Variants in BCL11A observed in about 807,000 individuals in gnomAD.
BCL11A encodes B cell CLL/lymphoma 11A.
A neutral mutation model predicts 55.9 loss-of-function variants in BCL11A; 2 were observed. The ratio of observed to expected loss-of-function variants is 0.04; its 90% CI spans 0.01 to 0.11. The LOEUF is 0.11. Among genes scored for constraint, BCL11A ranks in the 10% least tolerant of loss-of-function variants. The probability of loss-of-function intolerance (pLI) is 1.00; values close to 1 mark genes in which losing one functional copy is unlikely to be tolerated. For synonymous variants in BCL11A, 465 were observed against 473.4 expected, an observed-to-expected ratio of 0.98 and a Z score of 0.23; for missense variants, 817 against 1,137.1, an observed-to-expected ratio of 0.72 and a Z score of 4.05.
chr2:60,529,858 G>A (rs902726077), intron 2 of BCL11A, among the ~76,000 whole-genome samples: 20 of 152,198 alleles, frequency 1.3e-4, no homozygotes, highest in African/African-American at 4.8e-4. Context: ...CCACTTGAAA[G>A]CCCTGGTGTC....
rs754573099 is a variant in BCL11A, at chr2:60,546,013, T to C, written c.343A>G (p.Thr115Ala). The C allele has an allele frequency of 2.5e-6, 4 of 1,614,232 alleles. No homozygotes were observed. Among genetic ancestry groups the C allele is most frequent in the African/African-American group, 1.3e-5 (1 of 75,074 alleles). ...VTPEDDDCLS[T>A]SSRGICPKQE... ...TTGGGGCAAATTCCTCTAGATGACG[T>C]TGATAAACAATCGTCATCCTCTGGC... Residue 115 changes from threonine (T) to alanine (A), a missense_variant, in exon 2 of 4, where the codon ACG becomes GCG. Physicochemically the swap from Thr to Ala is moderately conservative, Grantham distance 58. Coordinates refer to ENST00000642384, the MANE Select transcript of BCL11A (RefSeq NM_022893.4). This position sits in a 1 kb window ranked among gnomAD's most constrained non-coding sequence, Gnocchi z 4.1.
intron 2 of BCL11A, among the ~76,000 whole-genome samples, chr2:60,505,529 C>T (rs547448013): frequency 7.2e-5 from 11 of 152,350 alleles, no homozygotes; most frequent in African/African-American, 2.2e-4. Flanking sequence ...AGGGGCCAAA[C>T]CAGCCCTCTT....
At chr2:60,463,583 T>C (rs976905139) in intron 3 of BCL11A, among the ~76,000 whole-genome samples, 1 of 152,188 alleles carries the variant, frequency 6.6e-6, no homozygotes, top group Non-Finnish European at 1.5e-5. Context: ...CCAAGAGTGG[T>C]AAATGCCACT....
In BCL11A at chr2:60,457,966, T is replaced by C; in HGVS notation, c.*2438A>G. 1 of 1,032,954 alleles carries C rather than the reference T, an allele frequency of 9.7e-7. No individual in the cohort carries two copies. The highest frequency in any genetic ancestry group is 1.2e-6 in the Non-Finnish European group (1 of 857,792). The allele number at this position is 1,032,954 out of a possible 1,614,324, so 64.0% of individuals were successfully genotyped here. On this transcript the variant is annotated 3_prime_UTR_variant, in exon 4 of 4. Coordinates refer to ENST00000642384, the MANE Select transcript of BCL11A (RefSeq NM_022893.4). ...TTTGTTTCTCTCTTTTTTTTTTTTT[T>C]GAAGCATACAAATAATTTGCACTAT... is the stretch of plus-strand genomic sequence containing the variant.
intron 2 of BCL11A, among the ~76,000 whole-genome samples, chr2:60,520,954 A>G (rs992858249): frequency 6.6e-6 from 1 of 152,164 alleles, no homozygotes; most frequent in African/African-American, 2.4e-5. Context: ...TCTGTACACA[A>G]CCTTTGTCAA....
At position 60,553,330 on chromosome 2, in the gene BCL11A, G is replaced by A. The variant is rs1345615796; in HGVS notation, c.-60C>T. On this transcript the variant is annotated 5_prime_UTR_variant, in exon 1 of 4. Transcript: ENST00000642384. ...GGCGGCGGCGGGCGGACGACGGCTCGGTTCACATCGGGAGAGCCGGGTTAG... is the reference window on the plus strand; with the variant it reads ...GGCGGCGGCGGGCGGACGACGGCTCAGTTCACATCGGGAGAGCCGGGTTAG... The A allele has an allele frequency of 1.0e-5, 15 of 1,495,552 alleles. No homozygotes were observed. The highest frequency in any genetic ancestry group is 2.3e-5 in the Admixed American group (1 of 44,384). The allele number at this position is 1,495,552 out of a possible 1,614,324, so 92.6% of individuals were successfully genotyped here.
chr2:60,461,591 C>A lies in BCL11A; in HGVS notation c.1321G>T (p.Gly441Cys). ...TCCGGGGAGCTGGCGGTGGAGAGACCGTCGTCGGACTTGACCGTCATGGGG... is the reference window on the plus strand; with the variant it reads ...TCCGGGGAGCTGGCGGTGGAGAGACAGTCGTCGGACTTGACCGTCATGGGG... ...SSPMTVKSDD[G>C]LSTASSPEPG... Residue 441 changes from glycine to cysteine, a missense_variant, in exon 4 of 4, where the codon GGT becomes TGT. Gly to Cys is a radical substitution (Grantham distance 159). Around this residue, in one of 4 missense-constraint regions of BCL11A, gnomAD observed 45 missense variants for 109.0 expected, o/e 0.41. Coordinates refer to ENST00000642384, the MANE Select transcript of BCL11A (RefSeq NM_022893.4). 6.2e-7 allele frequency: 1 copy of A among 1,612,954 alleles called. No homozygotes were observed. Among genetic ancestry groups the A allele is most frequent in the East Asian group, 2.2e-5 (1 of 44,866 alleles).
In BCL11A at chr2:60,461,423, C is replaced by T; in HGVS notation, c.1489G>A (p.Glu497Lys). ...AGCTCCTCCTCCTCCTCTTCCTCCT[C>T]TTCTTCCTCTTCCTCGTCGTCCTCC... ...EEEDDEEEEE[E>K]EEEEEEELTE... The change falls in exon 4 of 4, where the codon GAG (glutamate) becomes AAG (lysine). Residue 497 changes from glutamate to lysine, a missense_variant. Physicochemically the swap from Glu to Lys is moderately conservative, Grantham distance 56 (BLOSUM62 1). Coordinates refer to ENST00000642384, the MANE Select transcript of BCL11A (RefSeq NM_022893.4). 6.2e-7 allele frequency: 1 copy of T among 1,604,356 alleles called. No homozygotes were observed. The highest frequency in any genetic ancestry group is 8.5e-7 in the Non-Finnish European group (1 of 1,178,664).
rs1389035035 is a variant in BCL11A at position 60,553,369 on chromosome 2, C to G, written c.-99G>C. On this transcript the variant is annotated 5_prime_UTR_variant, in exon 1 of 4. Coordinates refer to ENST00000642384, the MANE Select transcript of BCL11A (RefSeq NM_022893.4). The stretch of plus-strand genomic sequence containing the variant: ...GAGCCGGGTTAGAAAGAAGGAGACT[C>G]CAGAGAAAATATCTTCATCAGTGCC... 1.6e-6 allele frequency: 2 copies of G among 1,268,520 alleles called. No homozygotes were observed. The highest frequency in any genetic ancestry group is 4.5e-5 in the Admixed American group (2 of 44,936). 78.6% of individuals were successfully genotyped at this position (1,268,520 alleles called of 1,614,324 possible). A position where few individuals can be genotyped will look rare whatever the true frequency, so the allele number is the denominator to read the frequency against.
At chr2:60,493,673 T>C (rs561805117) in intron 2 of BCL11A, among the ~76,000 whole-genome samples, 2 of 152,282 alleles carry the variant, frequency 1.3e-5, no homozygotes, top group East Asian at 3.9e-4. Flanking sequence ...ATGGACTTAG[T>C]TGACCTCCCC....
Position 60,460,484 on chromosome 2 carries a change from T to C in BCL11A, c.2428A>G (p.Ser810Gly), listed in dbSNP as rs777943047. ...TGTTTCTCCAGGGTACTGTACACGC[T>C]AAAAGGCATCTTACAAATTTCACAT... ...YKCEICKMPF[S>G]VYSTLEKHMK... The change falls in exon 4 of 4, where the codon AGC (serine) becomes GGC (glycine). Residue 810 changes from serine (S) to glycine (G), a missense_variant. By Grantham distance (56) the Ser-to-Gly change is moderately conservative. This residue lies in a region of BCL11A where 30 missense variants were observed against 116.3 expected (regional missense o/e 0.26). Transcript: ENST00000642384. 4 of 1,614,008 alleles carry C rather than the reference T, an allele frequency of 2.5e-6. No homozygotes were observed. Among genetic ancestry groups the C allele is most frequent in the South Asian group, 2.2e-5 (2 of 91,090 alleles).
At chr2:60,516,443 C>A (rs1668730068) in intron 2 of BCL11A, among the ~76,000 whole-genome samples, 1 of 152,308 alleles carries the variant, frequency 6.6e-6, no homozygotes, top group East Asian at 1.9e-4. Flanking sequence ...GTAAGTGAGG[C>A]AAGAAAGGCC....
chr2:60,536,542 T>G (rs1011992708), intron 2 of BCL11A: 1 of 152,174 alleles, frequency 6.6e-6, no homozygotes, highest in Non-Finnish European at 1.5e-5. Context: ...AGGGTTGATA[T>G]GGGATGTGAC....
At chr2:60,552,428 C>A (rs1024724538) in intron 1 of BCL11A, among the ~76,000 whole-genome samples, 1 of 151,880 alleles carries the variant, frequency 6.6e-6, no homozygotes, top group African/African-American at 2.4e-5. Flanking sequence ...CCTTCGGCGG[C>A]GGCGGCGGCG....
intron 2 of BCL11A, chr2:60,538,335 C>T (rs938792382): frequency 1.3e-5 from 2 of 152,254 alleles, no homozygotes; most frequent in Non-Finnish European, 2.9e-5. Flanking sequence ...AGAGGAGCAA[C>T]CTGTGCAGGT....
At chr2:60,539,191 G>T (rs1669808183) in intron 2 of BCL11A, among the ~76,000 whole-genome samples, 1 of 152,212 alleles carries the variant, frequency 6.6e-6, no homozygotes, top group Non-Finnish European at 1.5e-5. Context: ...CTTTATTATG[G>T]TGTGGTGGTG....
At chr2:60,495,961 C>CA (rs11434093) in intron 2 of BCL11A, among the ~76,000 whole-genome samples, 122,767 of 152,038 alleles carry the variant, frequency 0.81, 49,842 homozygotes, top group South Asian at 0.86. Context: ...CTATTCTTAG[C>CA]TATTTTTTAA....
intron 2 of BCL11A, chr2:60,541,717 TCAC>T (rs1197830841): frequency 3.5e-5 from 18 of 507,884 alleles, no homozygotes; most frequent in African/African-American, 3.4e-4. Flanking sequence ...AGTAAAATGT[TCAC>T]CAGTATATTG....
intron 2 of BCL11A, among the ~76,000 whole-genome samples, chr2:60,521,442 C>T (rs1430768459): frequency 2.0e-5 from 3 of 152,208 alleles, no homozygotes; most frequent in Non-Finnish European, 2.9e-5. Context: ...ACGGCAGAGA[C>T]GAGGCCCACC....
Sources: gnomAD v4.1 joint callset for allele counts (sites outside exome capture counted in the v4.1 genomes callset) on GRCh38, gnomAD v4.1.1 for gene constraint, gnomAD v4.1.1 regional missense constraint, Gnocchi (gnomAD v3.1) non-coding constraint, MANE v1.5 for transcripts, NCBI Gene and HGNC (gene_info 2026-07-23, HGNC 2026-07-21) for gene names.